The following DLG2 variants were observed in gnomAD, a reference collection of about 807,000 sequenced individuals.
DLG2 encodes the protein discs large MAGUK scaffold protein 2, also known as disks large homolog 2.
Under a neutral mutation model 132.5 loss-of-function variants are expected in DLG2, and 45 were observed. That is an observed-to-expected ratio of 0.34 (90% CI 0.27 to 0.44). The LOEUF (loss-of-function observed/expected upper bound fraction) is 0.44. Ranked by LOEUF, DLG2 falls within the 20% of genes least tolerant of loss-of-function variation. DLG2 has a pLI of 1.00. For missense variants in DLG2, 1,045 were observed against 1,196.9 expected, an observed-to-expected ratio of 0.87 and a Z score of 1.87; for synonymous variants, 424 against 419.6, an observed-to-expected ratio of 1.01 and a Z score of -0.13.
At chr11:84,197,315 T>A (rs1192145678) in intron 8 of DLG2, among the ~76,000 whole-genome samples, 7 of 152,186 alleles carry the variant, frequency 4.6e-5, no homozygotes, top group Non-Finnish European at 1.0e-4. Flanking sequence ...GGCTCTATGA[T>A]GTGTGAGGTG....
chr11:85,164,901 C>G (rs1005906502), intron 4 of DLG2, among the ~76,000 whole-genome samples: 4 of 152,124 alleles, frequency 2.6e-5, no homozygotes, highest in Non-Finnish European at 2.9e-5. Flanking sequence ...CCCACACATC[C>G]TTTCAAATTG....
chr11:83,853,678 A>G (rs1285982098), intron 16 of DLG2, among the ~76,000 whole-genome samples: 2 of 152,150 alleles, frequency 1.3e-5, no homozygotes, highest in Admixed American at 6.5e-5. Flanking sequence ...GTACCTAATA[A>G]CACCCATTGA....
At chr11:85,350,676 C>T (rs1242799957) in intron 3 of DLG2, among the ~76,000 whole-genome samples, 3 of 152,152 alleles carry the variant, frequency 2.0e-5, no homozygotes, top group Non-Finnish European at 4.4e-5. Context: ...ATCCTTTCCC[C>T]ACTTCTTGTT....
chr11:83,884,304 C>A (rs1421454869), intron 15 of DLG2, among the ~76,000 whole-genome samples: 1 of 152,226 alleles, frequency 6.6e-6, no homozygotes, highest in Non-Finnish European at 1.5e-5. Context: ...CCGCATCTGG[C>A]TCGGAGGGTC....
intron 3 of DLG2, among the ~76,000 whole-genome samples, chr11:85,544,003 A>G (rs186282323): frequency 1.2e-3 from 183 of 152,104 alleles, no homozygotes; most frequent in African/African-American, 4.3e-3. Flanking sequence ...ATTAGATCCC[A>G]TTTGTCAATT....
chr11:85,583,090 G>A (rs4453255), intron 3 of DLG2, among the ~76,000 whole-genome samples: 8,485 of 31,404 alleles, frequency 0.27, 572 homozygotes, highest in East Asian at 0.45. Flanking sequence ...TATATGTGAT[G>A]TGTGTGTGTG....
chr11:85,123,941 T>TA (rs2074751208), intron 5 of DLG2, among the ~76,000 whole-genome samples: 1 of 152,202 alleles, frequency 6.6e-6, no homozygotes, highest in South Asian at 2.1e-4. Context: ...CTGCAAAGTA[T>TA]TATTCACTGA....
In DLG2 at chr11:83,465,032, T is replaced by C. The variant is rs149825463; in HGVS notation, c.2729+1676A>G. Among the ~76,000 whole-genome samples the C allele has an allele frequency of 3.7e-3, 560 of 152,340 alleles. 3 individuals are homozygous for C. Among genetic ancestry groups the C allele is most frequent in the African/African-American group, 9.1e-3 (378 of 41,584 alleles). ...GTATCCTATACAAGGAGAAATTTAATACATGCTATTGGGGATGATAATATT... is the reference window on the plus strand; with the variant it reads ...GTATCCTATACAAGGAGAAATTTAACACATGCTATTGGGGATGATAATATT... On this transcript the variant is annotated intron_variant, in intron 26 of 27. Transcript: ENST00000376104.
intron 15 of DLG2, among the ~76,000 whole-genome samples, chr11:83,898,170 G>T (rs1169916982): frequency 1.3e-5 from 2 of 151,952 alleles, no homozygotes; most frequent in Non-Finnish European, 2.9e-5. Context: ...GTAAATGTGA[G>T]AATTTTTGAA....
intron 3 of DLG2, among the ~76,000 whole-genome samples, chr11:85,331,677 G>A (rs2081762036): frequency 6.6e-6 from 1 of 152,212 alleles, no homozygotes; most frequent in East Asian, 1.9e-4. Context: ...GTATCCATGT[G>A]TACTTAAAGT....
chr11:85,296,918 C>T (rs1323510565), intron 3 of DLG2, among the ~76,000 whole-genome samples: 3 of 149,504 alleles, frequency 2.0e-5, no homozygotes, highest in African/African-American at 4.9e-5. Flanking sequence ...CAAAATGATA[C>T]AATCATATTA....
At chr11:84,672,568 T>G (rs1478943927) in intron 6 of DLG2, among the ~76,000 whole-genome samples, 1 of 152,140 alleles carries the variant, frequency 6.6e-6, no homozygotes, top group Non-Finnish European at 1.5e-5. Flanking sequence ...CTATTCCAGC[T>G]GCTAGCATTA....
intron 3 of DLG2, among the ~76,000 whole-genome samples, chr11:85,413,047 C>T (rs191848537): frequency 2.0e-4 from 31 of 151,836 alleles, no homozygotes; most frequent in Admixed American, 1.2e-3. Flanking sequence ...GAAGTGTTCC[C>T]TCTTCACCGC....
intron 6 of DLG2, among the ~76,000 whole-genome samples, chr11:84,630,178 C>T (rs549952855): frequency 9.2e-5 from 14 of 152,294 alleles, no homozygotes; most frequent in Non-Finnish European, 1.5e-4. Flanking sequence ...CACCCAAGAC[C>T]ATCATCTATT....
At chr11:83,977,763 C>T (rs758324441) in intron 12 of DLG2, among the ~76,000 whole-genome samples, 1 of 152,076 alleles carries the variant, frequency 6.6e-6, no homozygotes, top group Non-Finnish European at 1.5e-5. Flanking sequence ...GAAGTTCACA[C>T]CCTAACTCGA....
intron 18 of DLG2, among the ~76,000 whole-genome samples, chr11:83,689,204 G>A (rs916423566): frequency 6.6e-6 from 1 of 152,124 alleles, no homozygotes; most frequent in Non-Finnish European, 1.5e-5. Flanking sequence ...TGGAAGGAGA[G>A]GATGAGTCTT....
rs182782101 is a variant in DLG2 at position 84,293,137 on chromosome 11, G to T, written c.520-41846C>A. On this transcript the variant is annotated intron_variant, in intron 7 of 27. Coordinates refer to ENST00000376104, the MANE Select transcript of DLG2 (RefSeq NM_001142699.3). ...AGCAGAATGACAAGGCAGTGTGTGT[G>T]TGTGTCGGGTGTGGGGGTGTGGGGC... is the stretch of plus-strand genomic sequence containing the variant. Among the ~76,000 whole-genome samples, 177 of 152,156 alleles carry T rather than the reference G, an allele frequency of 1.2e-3. 1 individual carries two copies. The highest frequency in any genetic ancestry group is 4.2e-3 in the African/African-American group (173 of 41,514).
At chr11:85,332,718 T>C (rs1426878195) in intron 3 of DLG2, among the ~76,000 whole-genome samples, 1 of 152,156 alleles carries the variant, frequency 6.6e-6, no homozygotes, top group African/African-American at 2.4e-5. Context: ...AGGGAGTACT[T>C]TCCCCATTGT....
At chr11:83,603,785 C>G (rs1426072136) in intron 19 of DLG2, among the ~76,000 whole-genome samples, 1 of 152,106 alleles carries the variant, frequency 6.6e-6, no homozygotes, top group Non-Finnish European at 1.5e-5. Context: ...GTTTTTTCCT[C>G]TTTGTTTTAA....
Sources: gnomAD v4.1 joint callset for allele counts (sites outside exome capture counted in the v4.1 genomes callset) on GRCh38, gnomAD v4.1.1 for gene constraint, MANE v1.5 for transcripts, NCBI Gene and HGNC (gene_info 2026-07-23, HGNC 2026-07-21) for gene names.